SHPRH: variants seen among roughly 807,000 people sequenced by gnomAD.
SHPRH encodes the protein E3 ubiquitin-protein ligase SHPRH.
In SHPRH, 106 loss-of-function variants were observed where a neutral mutation model predicts 202.5. The observed-to-expected ratio is 0.52, with a 90% CI of 0.45 to 0.62. SHPRH has a LOEUF of 0.62. SHPRH is among the 20% of genes least tolerant of loss of function. The pLI is 0.00. For synonymous variants in SHPRH, 729 were observed against 686.0 expected (o/e 1.06, Z -0.98); for missense variants, 1,710 against 2,020.0 (o/e 0.85, Z 2.94).
intron 25 of SHPRH, among the ~76,000 whole-genome samples, chr6:145,896,133 C>T (rs1049305956): frequency 3.9e-5 from 6 of 151,922 alleles, no homozygotes; most frequent in African/African-American, 1.4e-4. Flanking sequence ...TAATTTTAAG[C>T]CAGCAAGATA....
intron 2 of SHPRH, among the ~76,000 whole-genome samples, chr6:145,868,151 C>T (rs1411828004): frequency 2.0e-5 from 3 of 152,086 alleles, no homozygotes; most frequent in Admixed American, 6.6e-5. Context: ...CATAGTTTTC[C>T]CTCTGTACCT....
chr6:145,889,625 TG>T (rs1340110689), intron 28 of SHPRH, among the ~76,000 whole-genome samples: 1 of 152,190 alleles, frequency 6.6e-6, no homozygotes, highest in African/African-American at 2.4e-5. Context: ...GAGTAGAATT[TG>T]TATATGAAAC....
intron 10 of SHPRH, 140 bp from the exon 11 acceptor site, chr6:145,940,941 C>G: frequency 6.5e-6 from 5 of 770,388 alleles, no homozygotes; most frequent in Non-Finnish European, 1.1e-5. Context: ...TAACAGTTAT[C>G]ACACTCAATG....
rs187747197 is a variant in SHPRH at position 145,894,083 on chromosome 6, C to A, written c.4695+67G>T. The A allele has an allele frequency of 1.9e-4, 217 of 1,137,398 alleles. 1 individual carries two copies. In the East Asian group the frequency reaches 5.5e-3, roughly 29 times the overall value. 70.5% of individuals were successfully genotyped at this position (1,137,398 alleles called of 1,614,324 possible). On this transcript the variant is annotated intron_variant, in intron 27 of 29. Transcript: ENST00000275233. ...GCATGAGACAATAAATGTAAGTAAG[C>A]TAGTTAACAGCAGTTTAAATTTGCA...
intron 2 of SHPRH, among the ~76,000 whole-genome samples, chr6:145,865,785 A>G (rs1345567178): frequency 6.6e-6 from 1 of 152,236 alleles, no homozygotes; most frequent in Non-Finnish European, 1.5e-5. Flanking sequence ...TTTCTAAACA[A>G]AGCAGAATAG....
chr6:145,914,272 A>C (rs1783754588), intron 23 of SHPRH, among the ~76,000 whole-genome samples: 1 of 152,110 alleles, frequency 6.6e-6, no homozygotes, highest in South Asian at 2.1e-4. Context: ...CTGCTCAAGA[A>C]AGTAAACTAG....
At chr6:145,951,844 G>GCA (rs1451663774) in intron 3 of SHPRH, 1 of 456,010 alleles carries the variant, frequency 2.2e-6, no homozygotes, top group Admixed American at 2.4e-5. Flanking sequence ...TTGATGAGCT[G>GCA]CACCAAGCCA....
chr6:145,888,614 T>G (rs576113949), intron 28 of SHPRH, among the ~76,000 whole-genome samples: 1 of 152,070 alleles, frequency 6.6e-6, no homozygotes, highest in African/African-American at 2.4e-5. Context: ...TGACCAAGCA[T>G]TTGAATTTTA....
At chr6:145,931,692 G>A (rs151212143) in intron 14 of SHPRH, among the ~76,000 whole-genome samples, 27 of 152,000 alleles carry the variant, frequency 1.8e-4, no homozygotes, top group Admixed American at 7.9e-4. Flanking sequence ...CTAACTCCTT[G>A]TTGTATGTTG....
chr6:145,936,838 T>C (rs1786122143), intron 11 of SHPRH, among the ~76,000 whole-genome samples: 1 of 152,186 alleles, frequency 6.6e-6, no homozygotes, highest in Admixed American at 6.5e-5. Flanking sequence ...ATCACTGCTA[T>C]GCAAAGGTCC....
chr6:145,940,002 T>C (rs1194015040), intron 11 of SHPRH, among the ~76,000 whole-genome samples: 1 of 152,154 alleles, frequency 6.6e-6, no homozygotes, highest in African/African-American at 2.4e-5. Flanking sequence ...TAACAACTTT[T>C]AGGGAAATAC....
intron 3 of SHPRH, among the ~76,000 whole-genome samples, chr6:145,951,420 A>G (rs966774142): frequency 5.9e-5 from 9 of 152,056 alleles, no homozygotes; most frequent in Admixed American, 5.2e-4. Context: ...AAAATTTCCA[A>G]AACTTCACAA....
chr6:145,894,447 G>A (rs1476628333), intron 26 of SHPRH, among the ~76,000 whole-genome samples: 2 of 149,254 alleles, frequency 1.3e-5, no homozygotes, highest in South Asian at 4.2e-4. Context: ...TCAAATGCTG[G>A]TTTTGAAAAT....
chr6:145,893,297 G>A lies in SHPRH; in HGVS notation c.4792C>T (p.His1598Tyr), dbSNP rs1321816127. ...SNGLTIIEAT[H>Y]VLLVEPILNP... ...AATATGGGCTCCACCAAGAGAACATGAGTTGCTTCAATGATAGTTAATCCA... is the reference window on the plus strand; with the variant it reads ...AATATGGGCTCCACCAAGAGAACATAAGTTGCTTCAATGATAGTTAATCCA... Residue 1598 changes from histidine to tyrosine, a missense_variant, in exon 28 of 30, where the codon CAT becomes TAT. Coordinates refer to ENST00000275233, the MANE Select transcript of SHPRH (RefSeq NM_001042683.3). 3 of 1,606,100 alleles carry A rather than the reference G, an allele frequency of 1.9e-6. No individual in the cohort carries two copies. The highest frequency in any genetic ancestry group is 2.7e-5 in the African/African-American group (2 of 74,284).
Position 145,926,667 on chromosome 6 carries a change from T to C in SHPRH, c.3202-371A>G, listed in dbSNP as rs571660474. Among the ~76,000 whole-genome samples, 3 of 152,012 alleles carry C rather than the reference T, an allele frequency of 2.0e-5. No individual in the cohort carries two copies. In the South Asian group the frequency reaches 6.2e-4, roughly 32 times the overall value. Reference sequence around the variant, plus strand: ...CTTACCTGGGACTCAAACCTAAACTTGCCAAAATTAATAAACCCATTTCTA... The same window carrying C: ...CTTACCTGGGACTCAAACCTAAACTCGCCAAAATTAATAAACCCATTTCTA... On this transcript the variant is annotated intron_variant, in intron 15 of 29. Coordinates refer to ENST00000275233, the MANE Select transcript of SHPRH (RefSeq NM_001042683.3).
In SHPRH at chr6:145,887,326, T is replaced by C. The variant is rs554941805; in HGVS notation, c.4956-539A>G. Among the ~76,000 whole-genome samples the C allele has an allele frequency of 2.0e-5, 3 of 152,248 alleles. No homozygotes were observed. The East Asian group carries it at 5.8e-4, about 29-fold the overall frequency. On this transcript the variant is annotated intron_variant, in intron 29 of 29. Transcript: ENST00000275233. ...TATGTGACAATCCCTTCTAAGGCAA[T>C]AATCTCTTCCTTGGGTACCATCCAA...
chr6:145,893,914 TAA>T (rs562640396), intron 27 of SHPRH, among the ~76,000 whole-genome samples: 9 of 140,428 alleles, frequency 6.4e-5, no homozygotes, highest in African/African-American at 5.2e-5. Context: ...TTTCCTGTAC[TAA>T]AAAAAAAAAA....
At chr6:145,869,845 T>C (rs1583255036) in intron 2 of SHPRH, among the ~76,000 whole-genome samples, 1 of 150,224 alleles carries the variant, frequency 6.7e-6, no homozygotes, top group Non-Finnish European at 1.5e-5. Context: ...CCTCTCCATA[T>C]AAACTTTAAA....
At chr6:145,872,305 G>A (rs1444605063) in intron 2 of SHPRH, among the ~76,000 whole-genome samples, 1 of 152,046 alleles carries the variant, frequency 6.6e-6, no homozygotes, top group Non-Finnish European at 1.5e-5. Context: ...ATCTGACAAA[G>A]CCCTAATATC....
Sources: gnomAD v4.1 joint callset for allele counts (sites outside exome capture counted in the v4.1 genomes callset) on GRCh38, gnomAD v4.1.1 for gene constraint, MANE v1.5 for transcripts, NCBI Gene and HGNC (gene_info 2026-07-23, HGNC 2026-07-21) for gene names.